The following SLC4A2 variants were observed in gnomAD, a reference collection of about 807,000 sequenced individuals.
The protein encoded by SLC4A2 is solute carrier family 4 member 2.
A neutral mutation model predicts 115.0 loss-of-function variants in SLC4A2; 36 were observed. That is an observed-to-expected ratio of 0.31 (90% confidence interval 0.24 to 0.41). The LOEUF is 0.41. Among genes scored for constraint, SLC4A2 ranks in the 10% least tolerant of loss-of-function variants. The probability of loss-of-function intolerance (pLI) is 1.00; values close to 1 mark genes in which losing one functional copy is unlikely to be tolerated. For synonymous variants in SLC4A2, 708 were observed against 708.3 expected (o/e 1.00, Z 0.01); for missense variants, 1,252 against 1,705.6 (o/e 0.73, Z 4.68).
Position 151,066,763 on chromosome 7 carries a change from T to C in SLC4A2, c.823+2T>C. 1 of 1,573,460 alleles carries C rather than the reference T, an allele frequency of 6.4e-7. No individual in the cohort carries two copies. The highest frequency in any genetic ancestry group is 8.6e-7 in the Non-Finnish European group (1 of 1,159,410). On this transcript the variant is annotated splice_donor_variant, in intron 6 of 22. Transcript: ENST00000413384. LOFTEE classifies it high-confidence loss of function. The stretch of plus-strand genomic sequence containing the variant: ...CGGCCGACCTAGACCTCATGAAGAG[T>C]AAGTGCTGGGCCTTGGCCAAGCCCG...
intron 2 of SLC4A2, 65 bp downstream of exon 2, chr7:151,062,103 C>A: frequency 2.9e-6 from 4 of 1,394,084 alleles, no homozygotes; most frequent in Non-Finnish European, 4.0e-6. Context: ...GTGCTCCGGC[C>A]AAGGGTCCTC....
At position 151,071,776 on chromosome 7, in the gene SLC4A2, A is replaced by G. The variant is rs763579202; in HGVS notation, c.2279A>G (p.Gln760Arg). Residue 760 changes from glutamine to arginine, a missense_variant, in exon 15 of 23, where the codon CAG (glutamine) becomes CGG (arginine). Physicochemically the swap from Gln to Arg is conservative, Grantham distance 43. Transcript: ENST00000413384. The surrounding 1 kb of genome is among the most constrained non-coding windows in gnomAD (Gnocchi z 5.5). ...GTGGTCTTCTGCCTGCTGGGTGCCC[A>G]GCCCCTGTTGGTGATCGGCTTCTCA... ...QGVVFCLLGA[Q>R]PLLVIGFSGP... is the part of the protein sequence containing the mutation. 6.2e-7 allele frequency: 1 copy of G among 1,611,494 alleles called. No homozygotes were observed. Among genetic ancestry groups the G allele is most frequent in the East Asian group, 2.2e-5 (1 of 44,790 alleles).
chr7:151,062,444 C>G (rs1797081170), intron 2 of SLC4A2: 1 of 1,104,030 alleles, frequency 9.1e-7, no homozygotes, highest in Non-Finnish European at 1.2e-6. Context: ...ACGTGCCACC[C>G]AGGCCCGCCC....
rs922508333 is a variant in SLC4A2 at position 151,073,916 on chromosome 7, A to G, written c.2536-123A>G. On this transcript the variant is annotated intron_variant, in intron 16 of 22. Transcript: ENST00000413384. ...TGGGTCATTGTCTTAATTCAACAAG[A>G]CAAGCTCCTTGAAAGCAGGCCAGCC... 7.6e-5 allele frequency: 80 copies of G among 1,055,202 alleles called. No homozygotes were observed. The Middle Eastern group carries it at 1.3e-3, about 17-fold the overall frequency. 65.4% of individuals were successfully genotyped at this position (1,055,202 alleles called of 1,614,324 possible). A position where few individuals can be genotyped will look rare whatever the true frequency, so the allele number is the denominator to read the frequency against.
Position 151,071,581 on chromosome 7 carries a change from G to A in SLC4A2, c.2167G>A (p.Ala723Thr), listed in dbSNP as rs754321141. ...IFIYFAALSP[A>T]ITFGGLLGEK... ...CATCTACTTTGCCGCCCTGTCTCCT[G>A]CCATCACCTTTGGGGGGCTGCTGGG... The change falls in exon 14 of 23, where the codon GCC (alanine) becomes ACC (threonine). Residue 723 changes from alanine to threonine, a missense_variant. Ala to Thr is a moderately conservative substitution (Grantham distance 58). Around this residue, in one of 14 missense-constraint regions of SLC4A2, gnomAD observed 118 missense variants for 203.3 expected, o/e 0.58. Coordinates refer to ENST00000413384, the MANE Select transcript of SLC4A2 (RefSeq NM_003040.4). This position sits in a 1 kb window ranked among gnomAD's most constrained non-coding sequence, Gnocchi z 5.5. The A allele has an allele frequency of 6.2e-7, 1 of 1,614,018 alleles. No individual in the cohort carries two copies. Among genetic ancestry groups the A allele is most frequent in the Admixed American group, 1.7e-5 (1 of 60,018 alleles).
At chr7:151,068,266 TTCGAGAAGC>T (rs1797306135) in intron 8 of SLC4A2, among the ~76,000 whole-genome samples, 3 of 152,322 alleles carry the variant, frequency 2.0e-5, no homozygotes, top group African/African-American at 7.2e-5. Flanking sequence ...TGCGAAAATG[TTCGAGAAGC>T]TATTTAGATG....
At chr7:151,072,415 C>T (rs1005641891) in intron 16 of SLC4A2, among the ~76,000 whole-genome samples, 5 of 152,092 alleles carry the variant, frequency 3.3e-5, no homozygotes, top group African/African-American at 1.2e-4. Flanking sequence ...CCTCAGCCTC[C>T]CAAGTAGCTG....
rs1271628682 is a variant in SLC4A2, at chr7:151,064,723, G to T, written c.415G>T (p.Ala139Ser). The change falls in exon 4 of 23, where the codon GCT (alanine) becomes TCT (serine). Residue 139 changes from alanine (A) to serine (S), a missense_variant. Transcript: ENST00000413384. ...GGCCAGCGAGGCTGAGGGGGCCCGGGCTCTCACTCAGCCGTCCCCTGTCTC... is the reference window on the plus strand; with the variant it reads ...GGCCAGCGAGGCTGAGGGGGCCCGGTCTCTCACTCAGCCGTCCCCTGTCTC... ...DEASEAEGAR[A>S]LTQPSPVSTP... The T allele has an allele frequency of 2.5e-6, 4 of 1,612,302 alleles. No homozygotes were observed. The East Asian group carries it at 8.9e-5, about 36-fold the overall frequency.
chr7:151,074,590 C>G (rs1285018238), intron 18 of SLC4A2, 85 bp from the exon 19 acceptor site: 3 of 1,575,486 alleles, frequency 1.9e-6, no homozygotes, highest in African/African-American at 1.3e-5. Flanking sequence ...AAGCTTAAGC[C>G]TGTCCTTAAG....
At chr7:151,061,867 G>T (rs182361322) in intron 1 of SLC4A2, 58 bp from the exon 2 acceptor site, 11 of 868,230 alleles carry the variant, frequency 1.3e-5, no homozygotes, top group South Asian at 7.3e-5. Context: ...CAGCCTGCGC[G>T]TGGTGGCTCC....
rs1247751999 is a variant in SLC4A2, at chr7:151,067,929, G to A, written c.1022G>A (p.Arg341Gln). The A allele has an allele frequency of 5.6e-6, 9 of 1,611,380 alleles. No homozygotes were observed. In the East Asian group the frequency reaches 1.1e-4, roughly 20 times the overall value. ...GACAAAAACCAGGAGCCCCAGTGGC[G>A]GGAGACAGCTCGCTGGATCAAATTT... ...LLDKNQEPQW[R>Q]ETARWIKFEE... is the part of the protein sequence containing the mutation. The change falls in exon 8 of 23, where the codon CGG becomes CAG. Residue 341 changes from arginine to glutamine, a missense_variant. Coordinates refer to ENST00000413384, the MANE Select transcript of SLC4A2 (RefSeq NM_003040.4).
intron 5 of SLC4A2, 100 bp from the exon 6 acceptor site, chr7:151,066,417 A>C: frequency 1.5e-6 from 2 of 1,356,582 alleles, no homozygotes; most frequent in Non-Finnish European, 1.9e-6. Flanking sequence ...GAGGGCCTGG[A>C]GTCCGATGTG....
At chr7:151,063,104 C>T (rs2150366795) in intron 2 of SLC4A2, 1 of 1,513,020 alleles carries the variant, frequency 6.6e-7, no homozygotes, top group East Asian at 2.6e-5. Context: ...GCGGCTGCCG[C>T]TTAGCTGGGC....
Position 151,070,327 on chromosome 7 carries a change from G to T in SLC4A2, c.1430G>T (p.Arg477Leu), listed in dbSNP as rs151050019. The part of the protein sequence containing the change: ...EPLMGGVPET[R>L]LEVERERELP... ...CTCATGGGAGGTGTTCCTGAGACCC[G>T]GCTGGAGGTGGAGCGAGAGGTGAGG... Residue 477 changes from arginine (R) to leucine (L), a missense_variant, in exon 10 of 23, where the codon CGG (arginine) becomes CTG (leucine). By Grantham distance (102) the Arg-to-Leu change is moderately radical. Coordinates refer to ENST00000413384, the MANE Select transcript of SLC4A2 (RefSeq NM_003040.4). 3.7e-6 allele frequency: 6 copies of T among 1,611,488 alleles called. No homozygotes were observed. Among genetic ancestry groups the T allele is most frequent in the Admixed American group, 3.3e-5 (2 of 59,868 alleles).
intron 5 of SLC4A2, among the ~76,000 whole-genome samples, chr7:151,065,531 G>A (rs1797199150): frequency 6.6e-6 from 1 of 152,210 alleles, no homozygotes; most frequent in South Asian, 2.1e-4. Flanking sequence ...GGCATTTGGG[G>A]GAAGGCTTCC....
upstream of SLC4A2, chr7:151,059,054 A>G (rs932260906): frequency 1.3e-5 from 2 of 152,258 alleles, no homozygotes; most frequent in Non-Finnish European, 2.9e-5. The surrounding 1 kb of genome is among the most constrained non-coding windows in gnomAD (Gnocchi z 5.8). Context: ...TTGAATGATA[A>G]GTGATGGCTC....
At chr7:151,069,884 C>A (rs1475387469) in intron 8 of SLC4A2, 63 bp from the exon 9 acceptor site, 7 of 1,604,122 alleles carry the variant, frequency 4.4e-6, no homozygotes, top group Non-Finnish European at 5.1e-6. Flanking sequence ...TGCTCCCCAT[C>A]CCATCTCCTG....
chr7:151,069,918 G>T, intron 8 of SLC4A2, 29 bp from the exon 9 acceptor site: 1 of 1,613,366 alleles, frequency 6.2e-7, no homozygotes, highest in Non-Finnish European at 8.5e-7. Flanking sequence ...ACCTGGGGCT[G>T]AGGGGCCCTC....
Position 151,074,243 on chromosome 7 carries a change from A to G in SLC4A2, c.2740A>G (p.Ile914Val). The G allele has an allele frequency of 6.2e-7, 1 of 1,612,566 alleles. No homozygotes were observed. The highest frequency in any genetic ancestry group is 8.5e-7 in the Non-Finnish European group (1 of 1,179,878). Reference sequence around the variant, plus strand: ...GGTGCTCATGGCCGGCACCTTCTTCATCGCCTTCTTCCTGCGCAAATTCAA... The same window carrying G: ...GGTGCTCATGGCCGGCACCTTCTTCGTCGCCTTCTTCCTGCGCAAATTCAA... ...SLVLMAGTFF[I>V]AFFLRKFKNS... Residue 914 changes from isoleucine to valine, a missense_variant, in exon 17 of 23, where the codon ATC (isoleucine) becomes GTC (valine). Transcript: ENST00000413384.
Sources: gnomAD v4.1 joint callset for allele counts (sites outside exome capture counted in the v4.1 genomes callset) on GRCh38, gnomAD v4.1.1 for gene constraint, gnomAD v4.1.1 regional missense constraint, Gnocchi (gnomAD v3.1) non-coding constraint, MANE v1.5 for transcripts, NCBI Gene and HGNC (gene_info 2026-07-23, HGNC 2026-07-21) for gene names.